Variants in SLFN5 observed in about 807,000 individuals in gnomAD.
The protein encoded by SLFN5 is schlafen family member 5.
In SLFN5, 34 loss-of-function variants were observed where a neutral mutation model predicts 48.5. The observed-to-expected ratio is 0.70, with a 90% CI of 0.53 to 0.93. The LOEUF is 0.93. Among genes scored for constraint, SLFN5 ranks in the 40% least tolerant of loss-of-function variants. SLFN5 has a pLI of 0.00. For missense variants in SLFN5, 1,006 were observed against 1,071.3 expected (o/e 0.94, Z 0.85); for synonymous variants, 387 against 396.2 (o/e 0.98, Z 0.28).
chr17:35,265,973 C>G lies in SLFN5; in HGVS notation c.*85C>G. 7.3e-7 allele frequency: 1 copy of G among 1,367,284 alleles called. No individual in the cohort carries two copies. The highest frequency in any genetic ancestry group is 9.9e-7 in the Non-Finnish European group (1 of 1,011,234). The allele number at this position is 1,367,284 out of a possible 1,614,324, so 84.7% of individuals were successfully genotyped here. A position where few individuals can be genotyped will look rare whatever the true frequency, so the allele number is the denominator to read the frequency against. ...CATTTAATCCAAACATGTAAGCACA[C>G]ACTCACTTATTAAGTCACATACTTT... On this transcript the variant is annotated 3_prime_UTR_variant, in exon 5 of 5. Coordinates refer to ENST00000299977, the MANE Select transcript of SLFN5 (RefSeq NM_144975.4).
chr17:35,260,841 G>T (rs1362864463), intron 2 of SLFN5, 130 bp from the exon 3 acceptor site: 6 of 1,160,774 alleles, frequency 5.2e-6, no homozygotes, highest in Non-Finnish European at 7.0e-6. Flanking sequence ...GCTGACCTGA[G>T]ATGTAAAGGC....
rs1246343995 is a variant in SLFN5, at chr17:35,270,250, C to T, written c.*4362C>T. On this transcript the variant is annotated 3_prime_UTR_variant, in exon 5 of 5. Coordinates refer to ENST00000299977, the MANE Select transcript of SLFN5 (RefSeq NM_144975.4). The stretch of plus-strand genomic sequence containing the variant: ...TGAGTGATTTATTGCTTCCTTTTCT[C>T]TTTCAGTATTGCTAGAATTAATTTT... 1 of 152,118 alleles carries T rather than the reference C, an allele frequency of 6.6e-6. No homozygotes were observed. The highest frequency in any genetic ancestry group is 1.5e-5 in the Non-Finnish European group (1 of 68,020). The allele number at this position is 152,118 out of a possible 1,614,324, so 9.4% of individuals were successfully genotyped here. A position where few individuals can be genotyped will look rare whatever the true frequency, so the allele number is the denominator to read the frequency against.
chr17:35,267,951 G>T lies in SLFN5; in HGVS notation c.*2063G>T, dbSNP rs1031158497. 1 of 152,204 alleles carries T rather than the reference G, an allele frequency of 6.6e-6. No individual in the cohort carries two copies. Among genetic ancestry groups the T allele is most frequent in the Admixed American group, 6.5e-5 (1 of 15,276 alleles). The allele number at this position is 152,204 out of a possible 1,614,324, so 9.4% of individuals were successfully genotyped here. On this transcript the variant is annotated 3_prime_UTR_variant, in exon 5 of 5. Coordinates refer to ENST00000299977, the MANE Select transcript of SLFN5 (RefSeq NM_144975.4). ...ACAGAAACTCCTGATTGTCCCCAGG[G>T]ACTCTCCGTGGACACAGGAGGGATT...
intron 3 of SLFN5, among the ~76,000 whole-genome samples, chr17:35,262,447 A>G (rs1187484322): frequency 6.6e-6 from 1 of 152,148 alleles, no homozygotes; most frequent in African/African-American, 2.4e-5. Context: ...TTGTAACTTT[A>G]GATGGATATT....
intron 1 of SLFN5, among the ~76,000 whole-genome samples, chr17:35,247,900 C>T (rs548452250): frequency 1.3e-5 from 2 of 152,144 alleles, no homozygotes; most frequent in Non-Finnish European, 2.9e-5. Context: ...TTCCATCTTG[C>T]GTTTTTGTCC....
Position 35,259,217 on chromosome 17 carries a change from T to A in SLFN5, c.527T>A (p.Phe176Tyr), listed in dbSNP as rs770925097. The A allele has an allele frequency of 6.2e-7, 1 of 1,614,136 alleles. No homozygotes were observed. Residue 176 changes from phenylalanine (F) to tyrosine (Y), a missense_variant, in exon 2 of 5, where the codon TTT becomes TAT. Phe to Tyr is a conservative substitution (Grantham distance 22). Coordinates refer to ENST00000299977, the MANE Select transcript of SLFN5 (RefSeq NM_144975.4). ...GNINVSAAAL[F>Y]DRKRLQYLEK... ...ATAAATGTGTCAGCTGCTGCTTTATTTGATAGAAAGCGGCTTCAGTATCTG... is the reference window on the plus strand; with the variant it reads ...ATAAATGTGTCAGCTGCTGCTTTATATGATAGAAAGCGGCTTCAGTATCTG...
intron 1 of SLFN5, among the ~76,000 whole-genome samples, chr17:35,253,700 T>G (rs1176275858): frequency 3.6e-5 from 5 of 138,314 alleles, no homozygotes; most frequent in East Asian, 2.1e-4. Context: ...GTTTTTTTTT[T>G]TTTTTTTTTT....
chr17:35,266,501 T>G lies in SLFN5; in HGVS notation c.*613T>G, dbSNP rs1284614642. The G allele has an allele frequency of 6.6e-6, 1 of 152,242 alleles. No homozygotes were observed. Among genetic ancestry groups the G allele is most frequent in the African/African-American group, 2.4e-5 (1 of 41,450 alleles). The allele number at this position is 152,242 out of a possible 1,614,324, so 9.4% of individuals were successfully genotyped here. On this transcript the variant is annotated 3_prime_UTR_variant, in exon 5 of 5. Coordinates refer to ENST00000299977, the MANE Select transcript of SLFN5 (RefSeq NM_144975.4). The stretch of plus-strand genomic sequence containing the variant: ...ACTTTATTATTTTCTGCTTTTTCTT[T>G]TAACGACATTAGTGTTTTTGATCAC...
rs186896938 is a variant in SLFN5 at position 35,269,244 on chromosome 17, T to C, written c.*3356T>C. ...AAGAGTTCTAGAAATACAGGACCCA[T>C]GAATCATTCTTGAAGAAAAGTTACT... On this transcript the variant is annotated 3_prime_UTR_variant, in exon 5 of 5. Coordinates refer to ENST00000299977, the MANE Select transcript of SLFN5 (RefSeq NM_144975.4). 14 of 152,280 alleles carry C rather than the reference T, an allele frequency of 9.2e-5. No homozygotes were observed. Among genetic ancestry groups the C allele is most frequent in the Admixed American group, 6.5e-4 (10 of 15,304 alleles). The allele number at this position is 152,280 out of a possible 1,614,324, so 9.4% of individuals were successfully genotyped here.
At position 35,272,140 on chromosome 17, in the gene SLFN5, A is replaced by G. The variant is rs1904846876; in HGVS notation, c.*6252A>G. ...TGACCAAATATTAAAACATCTTATA[A>G]AGCTACAATAATTAAAACAATGTGG... On this transcript the variant is annotated 3_prime_UTR_variant, in exon 5 of 5. Coordinates refer to ENST00000299977, the MANE Select transcript of SLFN5 (RefSeq NM_144975.4). 6.6e-6 allele frequency: 1 copy of G among 152,184 alleles called. No individual in the cohort carries two copies. The highest frequency in any genetic ancestry group is 1.5e-5 in the Non-Finnish European group (1 of 68,038). The allele number at this position is 152,184 out of a possible 1,614,324, so 9.4% of individuals were successfully genotyped here.
chr17:35,251,076 A>T (rs1043927338), intron 1 of SLFN5, among the ~76,000 whole-genome samples: 2 of 152,096 alleles, frequency 1.3e-5, no homozygotes, highest in Non-Finnish European at 2.9e-5. Flanking sequence ...TGAAAGTCCA[A>T]ACATAAAGAC....
chr17:35,250,476 GA>G (rs1444342242), intron 1 of SLFN5, among the ~76,000 whole-genome samples: 6 of 152,126 alleles, frequency 3.9e-5, no homozygotes, highest in African/African-American at 1.4e-4. Flanking sequence ...CTAAAACGGT[GA>G]AACCCGGTCT....
At chr17:35,261,621 A>G (rs1962475214) in intron 3 of SLFN5, among the ~76,000 whole-genome samples, 1 of 149,880 alleles carries the variant, frequency 6.7e-6, no homozygotes, top group Non-Finnish European at 1.5e-5. Flanking sequence ...CTTCCACCTG[A>G]GCTTCCCAAA....
intron 1 of SLFN5, among the ~76,000 whole-genome samples, chr17:35,253,804 T>G (rs2092448630): frequency 6.6e-6 from 1 of 151,144 alleles, no homozygotes; most frequent in South Asian, 2.1e-4. Context: ...CTCAAGTGAT[T>G]CTTGTGCCTC....
chr17:35,245,238 G>A (rs879020156), intron 1 of SLFN5, among the ~76,000 whole-genome samples: 2 of 152,164 alleles, frequency 1.3e-5, no homozygotes, highest in Admixed American at 1.3e-4. Context: ...AATAAAATAA[G>A]AGTTACTTGA....
At chr17:35,254,804 G>A (rs536069152) in intron 1 of SLFN5, among the ~76,000 whole-genome samples, 1 of 152,172 alleles carries the variant, frequency 6.6e-6, no homozygotes, top group African/African-American at 2.4e-5. Flanking sequence ...ATCACCTGAG[G>A]TCAGGAGTTC....
rs973822782 is a variant in SLFN5 at position 35,250,231 on chromosome 17, C to A, written c.-41+7088C>A. On this transcript the variant is annotated intron_variant, in intron 1 of 4. Transcript: ENST00000299977. ...TTTACTGTAGTAGAAATTTTCTCTGCCTTTTTCAGTGCACCTTTAGACAAA... is the reference window on the plus strand; with the variant it reads ...TTTACTGTAGTAGAAATTTTCTCTGACTTTTTCAGTGCACCTTTAGACAAA... Among the ~76,000 whole-genome samples the A allele has an allele frequency of 3.9e-5, 6 of 152,304 alleles. No individual in the cohort carries two copies. In the South Asian group the frequency reaches 1.2e-3, roughly 32 times the overall value.
Position 35,270,146 on chromosome 17 carries a change from TTC to T in SLFN5, c.*4260_*4261del, listed in dbSNP as rs1904795891. On this transcript the variant is annotated 3_prime_UTR_variant, in exon 5 of 5. Coordinates refer to ENST00000299977, the MANE Select transcript of SLFN5 (RefSeq NM_144975.4). ...GATTTAACATAATTCTATCTAGCTG[TTC>T]TTATATTTTCTCTGATATATTTTTA... The T allele has an allele frequency of 6.6e-6, 1 of 152,036 alleles. No individual in the cohort carries two copies. Among genetic ancestry groups the T allele is most frequent in the African/African-American group, 2.4e-5 (1 of 41,412 alleles). 9.4% of individuals were successfully genotyped at this position (152,036 alleles called of 1,614,324 possible).
At chr17:35,261,707 C>T (rs142209389) in intron 3 of SLFN5, among the ~76,000 whole-genome samples, 1,441 of 127,834 alleles carry the variant, frequency 0.011, 25 homozygotes, top group East Asian at 0.086. Flanking sequence ...TGAAGTTTCG[C>T]TCTTGTTGCC....
Sources: allele counts gnomAD v4.1 joint callset (sites outside exome capture counted in the v4.1 genomes callset), GRCh38; gene constraint gnomAD v4.1.1; transcripts MANE v1.5; gene names NCBI Gene and HGNC (gene_info 2026-07-23, HGNC 2026-07-21).